Variants in ABCG1 observed in about 807,000 individuals in gnomAD.
The protein encoded by ABCG1 is ATP-binding cassette sub-family G member 1.
Under a neutral mutation model 69.2 loss-of-function variants are expected in ABCG1, and 29 were observed. The ratio of observed to expected loss-of-function variants is 0.42; its 90% CI spans 0.31 to 0.57. ABCG1 has a LOEUF of 0.57. Among genes scored for constraint, ABCG1 ranks in the 20% least tolerant of loss-of-function variants. ABCG1 has a pLI of 0.15. For synonymous variants in ABCG1, 370 were observed against 374.8 expected (o/e 0.99, Z 0.15); for missense variants, 718 against 898.1 (o/e 0.80, Z 2.56).
At chr21:42,215,724 G>T (rs950457987), upstream of ABCG1, among the ~76,000 whole-genome samples, 5 of 152,224 alleles carry the variant, frequency 3.3e-5, no homozygotes, top group Non-Finnish European at 5.9e-5. Flanking sequence ...GGGGGCATCT[G>T]GTCCAGAGAA....
At chr21:42,279,370 G>A (rs570872153) in intron 5 of ABCG1, among the ~76,000 whole-genome samples, 2 of 152,204 alleles carry the variant, frequency 1.3e-5, no homozygotes, top group Non-Finnish European at 2.9e-5. Flanking sequence ...GGGAGCAGAC[G>A]CAGGAGGCGG....
chr21:42,215,844 A>G (rs768668781), upstream of ABCG1, among the ~76,000 whole-genome samples: 1 of 152,208 alleles, frequency 6.6e-6, no homozygotes, highest in African/African-American at 2.4e-5. Flanking sequence ...TAGGGAGTCC[A>G]ATTGGACACA....
At chr21:42,281,743 C>T (rs1333936675) in intron 5 of ABCG1, among the ~76,000 whole-genome samples, 1 of 152,174 alleles carries the variant, frequency 6.6e-6, no homozygotes, top group Non-Finnish European at 1.5e-5. Context: ...TCAGCGATGA[C>T]AAGAGTGCTG....
intron 6 of ABCG1, among the ~76,000 whole-genome samples, chr21:42,283,386 C>A (rs934905331): frequency 2.0e-5 from 3 of 152,154 alleles, no homozygotes; most frequent in Non-Finnish European, 4.4e-5. Context: ...ACACACTGTC[C>A]CCCGGGCCTG....
chr21:42,206,611 C>A (rs937634168), intron 2 of ABCG1, among the ~76,000 whole-genome samples: 2 of 152,014 alleles, frequency 1.3e-5, no homozygotes, highest in Admixed American at 6.6e-5. Context: ...ATGGTGCCAC[C>A]ACATCTGGAT....
rs2146364054 is a variant in ABCG1, at chr21:42,296,053, G to A, written c.1773-111G>A. On this transcript the variant is annotated intron_variant, in intron 14 of 14. Transcript: ENST00000398449. This position sits in a 1 kb window ranked among gnomAD's most constrained non-coding sequence, Gnocchi z 5.4. ...TCTGGGGAAGGCGGCCCTTTGGGAA[G>A]GGAGGATAGCCAAGCTGGGAATCGC... 1 of 880,276 alleles carries A rather than the reference G, an allele frequency of 1.1e-6. No individual in the cohort carries two copies. Among genetic ancestry groups the A allele is most frequent in the East Asian group, 2.5e-5 (1 of 39,616 alleles). The allele number at this position is 880,276 out of a possible 1,614,324, so 54.5% of individuals were successfully genotyped here. A position where few individuals can be genotyped will look rare whatever the true frequency, so the allele number is the denominator to read the frequency against.
At chr21:42,263,745 C>T (rs768938835) in intron 2 of ABCG1, among the ~76,000 whole-genome samples, 4 of 152,142 alleles carry the variant, frequency 2.6e-5, no homozygotes, top group African/African-American at 4.8e-5. Context: ...TTGATCCTGC[C>T]GTTAGACTGT....
At chr21:42,254,031 G>A (rs369953700) in intron 2 of ABCG1, among the ~76,000 whole-genome samples, 11 of 152,278 alleles carry the variant, frequency 7.2e-5, no homozygotes, top group East Asian at 1.9e-4. Flanking sequence ...AGAGTTAGGC[G>A]CAGGGATGAA....
rs147070651 is a variant in ABCG1 at position 42,256,153 on chromosome 21, C to T, written c.287-14917C>T. On this transcript the variant is annotated intron_variant, in intron 2 of 14. Coordinates refer to ENST00000398449, the MANE Select transcript of ABCG1 (RefSeq NM_016818.3). ...CTCTCCCTGTCTTGTGAAACCTGGG[C>T]GTGATATACCTCCCTTTTAGGGCTG... 1,478 of 1,392,878 alleles carry T rather than the reference C, an allele frequency of 1.1e-3. 40 individuals are homozygous for T. The Admixed American group carries it at 0.042, about 39-fold the overall frequency. The allele number at this position is 1,392,878 out of a possible 1,614,324, so 86.3% of individuals were successfully genotyped here.
upstream of ABCG1, among the ~76,000 whole-genome samples, chr21:42,213,565 G>A (rs1251639925): frequency 1.3e-5 from 2 of 152,236 alleles, no homozygotes; most frequent in African/African-American, 2.4e-5. Flanking sequence ...AGCCACTGAC[G>A]TGCACCTCCA....
chr21:42,290,911 G>A (rs1022725903), intron 11 of ABCG1, among the ~76,000 whole-genome samples, 181 bp from the exon 12 acceptor site: 1 of 152,174 alleles, frequency 6.6e-6, no homozygotes, highest in Non-Finnish European at 1.5e-5. Context: ...GACTCTTCAG[G>A]TTATGCAAAC....
Position 42,287,082 on chromosome 21 carries a change from G to A in ABCG1, c.974-807G>A, listed in dbSNP as rs541571113. ...AAGTGCGGAAAAGGTAAGGGTGTTG[G>A]GGAGCTTTGGGCCTTAGCAAGAACG... On this transcript the variant is annotated intron_variant, in intron 8 of 14. Transcript: ENST00000398449. The surrounding 1 kb of genome is among the most constrained non-coding windows in gnomAD (Gnocchi z 6.2). Among the ~76,000 whole-genome samples, 4 of 152,356 alleles carry A rather than the reference G, an allele frequency of 2.6e-5. No homozygotes were observed. The highest frequency in any genetic ancestry group is 2.6e-4 in the Admixed American group (4 of 15,306).
rs2068662036 is a variant in ABCG1, at chr21:42,273,834, C to T, written c.537+399C>T. 1.3e-5 allele frequency among the ~76,000 whole-genome samples: 2 copies of T among 152,188 alleles called. No individual in the cohort carries two copies. Among genetic ancestry groups the T allele is most frequent in the South Asian group, 4.1e-4 (2 of 4,832 alleles). Reference sequence around the variant, plus strand: ...TGTCTTTGGCCCAAGCACCCACTCGCCTGGTGCCTTGGTCAGGATACCAAG... The same window carrying T: ...TGTCTTTGGCCCAAGCACCCACTCGTCTGGTGCCTTGGTCAGGATACCAAG... On this transcript the variant is annotated intron_variant, in intron 4 of 14. Transcript: ENST00000398449. This position sits in a 1 kb window ranked among gnomAD's most constrained non-coding sequence, Gnocchi z 5.3.
intron 2 of ABCG1, among the ~76,000 whole-genome samples, chr21:42,238,709 A>G (rs1381587800): frequency 1.3e-5 from 2 of 152,176 alleles, no homozygotes; most frequent in East Asian, 3.8e-4. Context: ...AGGTTGATGC[A>G]GGTTATCTTA....
At chr21:42,268,388 T>TGCGCGC (rs377669349) in intron 2 of ABCG1, among the ~76,000 whole-genome samples, 1,260 of 110,156 alleles carry the variant, frequency 0.011, 14 homozygotes, top group African/African-American at 0.035. Flanking sequence ...TGTGTGTGTG[T>TGCGCGC]GCGCGCGCGC....
chr21:42,282,965 C>A (rs1433463215), intron 6 of ABCG1, among the ~76,000 whole-genome samples: 3 of 152,144 alleles, frequency 2.0e-5, no homozygotes, highest in Non-Finnish European at 4.4e-5. Flanking sequence ...TGGGTGATGC[C>A]CTTTATGTTT....
intron 2 of ABCG1, among the ~76,000 whole-genome samples, chr21:42,270,463 G>T (rs913460919): frequency 4.6e-5 from 7 of 151,688 alleles, no homozygotes; most frequent in African/African-American, 1.7e-4. Context: ...AGTTTGGTGT[G>T]GCTCCAAAAT....
intron 2 of ABCG1, among the ~76,000 whole-genome samples, chr21:42,202,187 G>A (rs568679130): frequency 6.6e-6 from 1 of 152,148 alleles, no homozygotes; most frequent in African/African-American, 2.4e-5. Context: ...TGGAGGCCAG[G>A]GTTCCACTCC....
intron 2 of ABCG1, among the ~76,000 whole-genome samples, chr21:42,253,229 G>T (rs1181717630): frequency 6.6e-6 from 1 of 152,164 alleles, no homozygotes; most frequent in Admixed American, 6.5e-5. Context: ...TGGGGTAAAG[G>T]GCAGAAACAT....
Sources: gnomAD v4.1 joint callset for allele counts (sites outside exome capture counted in the v4.1 genomes callset) on GRCh38, gnomAD v4.1.1 for gene constraint, Gnocchi (gnomAD v3.1) non-coding constraint, MANE v1.5 for transcripts, NCBI Gene and HGNC (gene_info 2026-07-23, HGNC 2026-07-21) for gene names.